Variants in ZNF880 observed in about 807,000 individuals in gnomAD.
ZNF880 encodes the protein zinc finger protein 880.
In ZNF880, 12 loss-of-function variants were observed where a neutral mutation model predicts 11.8. That is an observed-to-expected ratio of 1.02 (90% CI 0.65 to 1.65). The LOEUF (loss-of-function observed/expected upper bound fraction) is 1.65. Among genes scored for constraint, ZNF880 ranks in the 40% most tolerant of loss-of-function variants. The probability of loss-of-function intolerance (pLI) is 0.00; values close to 1 mark genes in which losing one functional copy is unlikely to be tolerated. For missense variants in ZNF880, 601 were observed against 673.9 expected, an observed-to-expected ratio of 0.89 and a Z score of 1.20; for synonymous variants, 210 against 232.4, an observed-to-expected ratio of 0.90 and a Z score of 0.88.
intron 1 of ZNF880, among the ~76,000 whole-genome samples, chr19:52,371,854 G>A (rs933462731): frequency 9.2e-5 from 14 of 152,078 alleles, no homozygotes; most frequent in African/African-American, 3.4e-4. Flanking sequence ...GTTAGTACAT[G>A]TACAACATTT....
intron 1 of ZNF880, among the ~76,000 whole-genome samples, chr19:52,371,380 T>C (rs752974582): frequency 6.6e-6 from 1 of 151,956 alleles, no homozygotes; most frequent in Non-Finnish European, 1.5e-5. Context: ...AGATGGAGTC[T>C]CTCTTTGTCA....
intron 1 of ZNF880, 124 bp downstream of exon 1, chr19:52,370,101 T>G: frequency 7.8e-7 from 1 of 1,275,056 alleles, no homozygotes; most frequent in Non-Finnish European, 1.1e-6. Context: ...CCGACTAAAC[T>G]CAGACGTTCT....
chr19:52,372,357 G>T (rs999328418), intron 1 of ZNF880, among the ~76,000 whole-genome samples: 1 of 144,294 alleles, frequency 6.9e-6, no homozygotes, highest in Non-Finnish European at 1.5e-5. Flanking sequence ...GCACCATCTC[G>T]GCTCACTGCA....
At chr19:52,373,799 T>C (rs1255123659) in intron 2 of ZNF880, among the ~76,000 whole-genome samples, 1 of 149,258 alleles carries the variant, frequency 6.7e-6, no homozygotes, top group Non-Finnish European at 1.5e-5. Flanking sequence ...GCCTCCCGAG[T>C]AGCTGGGACT....
chr19:52,395,653 C>T, the ZNF880 span: 1 of 152,200 alleles, frequency 6.6e-6, no homozygotes, highest in Non-Finnish European at 1.5e-5. Flanking sequence ...AGTGCAGATG[C>T]AGTCTCTCTG....
At chr19:52,372,219 T>A (rs1030895395) in intron 1 of ZNF880, among the ~76,000 whole-genome samples, 2 of 151,632 alleles carry the variant, frequency 1.3e-5, no homozygotes, top group Non-Finnish European at 2.9e-5. Context: ...TATCTGACGC[T>A]TCTATAGAAA....
upstream of ZNF880, chr19:52,369,887 G>A (rs1368067193): frequency 5.2e-6 from 8 of 1,542,004 alleles, no homozygotes; most frequent in Admixed American, 3.9e-5. Flanking sequence ...AATCCCACCC[G>A]GGCCTGGCCT....
upstream of ZNF880, chr19:52,369,882 C>A (rs1306348447): frequency 6.5e-7 from 1 of 1,535,774 alleles, no homozygotes; most frequent in Non-Finnish European, 8.8e-7. Flanking sequence ...CGCCCAATCC[C>A]ACCCGGGCCT....
the ZNF880 span, among the ~76,000 whole-genome samples, chr19:52,393,505 A>G: frequency 6.6e-6 from 1 of 151,780 alleles, no homozygotes; most frequent in Non-Finnish European, 1.5e-5. Flanking sequence ...AAATACTTTT[A>G]TTGTATTAGA....
the ZNF880 span, among the ~76,000 whole-genome samples, chr19:52,396,140 T>TTG: frequency 6.9e-4 from 104 of 150,422 alleles, no homozygotes; most frequent in African/African-American, 2.3e-3. Context: ...TTTTTTTTTT[T>TTG]TGTATTTTTA....
intron 1 of ZNF880, among the ~76,000 whole-genome samples, chr19:52,371,336 G>C (rs1015038820): frequency 1.3e-5 from 2 of 151,606 alleles, no homozygotes; most frequent in Non-Finnish European, 2.9e-5. Flanking sequence ...ATGCTGATCT[G>C]TTATTGTTTG....
chr19:52,385,226 G>C lies in ZNF880; in HGVS notation c.1646G>C (p.Arg549Thr), dbSNP rs1568666118. 8 of 1,551,814 alleles carry C rather than the reference G, an allele frequency of 5.2e-6. No homozygotes were observed. The South Asian group carries it at 8.3e-5, about 16-fold the overall frequency. ...ERIHTGEKPY[R>T]CHECGKDFTR... ...ATTCATACTGGGGAGAAACCGTACAGATGTCATGAATGTGGTAAGGACTTC... is the reference window on the plus strand; with the variant it reads ...ATTCATACTGGGGAGAAACCGTACACATGTCATGAATGTGGTAAGGACTTC... Residue 549 changes from arginine (R) to threonine (T), a missense_variant, in exon 4 of 4, where the codon AGA becomes ACA. By Grantham distance (71) the Arg-to-Thr change is moderately conservative. Transcript: ENST00000422689.
In ZNF880 at chr19:52,373,238, G is replaced by A. The variant is rs777072070; in HGVS notation, c.139+1G>A. On this transcript the variant is annotated splice_donor_variant, in intron 2 of 3. Coordinates refer to ENST00000422689, the MANE Select transcript of ZNF880 (RefSeq NM_001145434.2). LOFTEE classifies it high-confidence loss of function. ...AACTACAGGAACCTGGTCTTTCTGG[G>A]TGAGGATAATGTCCCTTCAGAAGTC... 1 of 1,611,370 alleles carries A rather than the reference G, an allele frequency of 6.2e-7. No homozygotes were observed. Among genetic ancestry groups the A allele is most frequent in the African/African-American group, 1.3e-5 (1 of 74,938 alleles).
At chr19:52,368,237 C>CGTT (rs1326330144), upstream of ZNF880, among the ~76,000 whole-genome samples, 3 of 150,084 alleles carry the variant, frequency 2.0e-5, no homozygotes, top group African/African-American at 7.3e-5. Flanking sequence ...TACTGTAACA[C>CGTT]AATTTCTTTT....
the ZNF880 span, among the ~76,000 whole-genome samples, chr19:52,393,318 C>T: frequency 6.6e-6 from 1 of 152,010 alleles, no homozygotes; most frequent in South Asian, 2.1e-4. Context: ...TTTGATCTGC[C>T]CGCCTCAGCC....
At chr19:52,395,964 T>TA in the ZNF880 span, among the ~76,000 whole-genome samples, 1 of 152,160 alleles carries the variant, frequency 6.6e-6, no homozygotes. Context: ...CTTTTATTTT[T>TA]ATATTTTTTG....
At chr19:52,372,773 G>A (rs1270872094) in intron 1 of ZNF880, among the ~76,000 whole-genome samples, 1 of 150,400 alleles carries the variant, frequency 6.6e-6, no homozygotes, top group Non-Finnish European at 1.5e-5. Flanking sequence ...AGCTGGGCGT[G>A]GTGGCGGGCG....
chr19:52,389,785 C>T (rs1409989441), downstream of ZNF880: 3 of 152,292 alleles, frequency 2.0e-5, no homozygotes, highest in Non-Finnish European at 2.9e-5. Flanking sequence ...AGGGCTCCGC[C>T]CCTGCAGCTC....
At chr19:52,387,168 T>C (rs1244076268), downstream of ZNF880, among the ~76,000 whole-genome samples, 1 of 144,732 alleles carries the variant, frequency 6.9e-6, no homozygotes, top group Non-Finnish European at 1.5e-5. Flanking sequence ...ATAGGCATTT[T>C]TAAAAAATGC....
Sources: allele counts gnomAD v4.1 joint callset (sites outside exome capture counted in the v4.1 genomes callset), GRCh38; gene constraint gnomAD v4.1.1; transcripts MANE v1.5; gene names NCBI Gene and HGNC (gene_info 2026-07-23, HGNC 2026-07-21).